The following PPP1R21 variants were observed in gnomAD, a reference collection of about 807,000 sequenced individuals.
The protein encoded by PPP1R21 is KLRAQ motif containing 1.
PPP1R21 carries 85 observed loss-of-function variants against 112.8 expected under a neutral mutation model. That is an observed-to-expected ratio of 0.75 (90% CI 0.63 to 0.90). The LOEUF is 0.90. Among genes scored for constraint, PPP1R21 ranks in the 40% least tolerant of loss-of-function variants. PPP1R21 has a pLI of 0.00. For missense variants in PPP1R21, 1,199 were observed against 901.5 expected (o/e 1.33, Z -4.23); for synonymous variants, 381 against 322.3 (o/e 1.18, Z -1.95).
At chr2:48,448,910 A>G (rs1316497096) in intron 1 of PPP1R21, among the ~76,000 whole-genome samples, 3 of 152,220 alleles carry the variant, frequency 2.0e-5, no homozygotes, top group Admixed American at 6.5e-5. Context: ...AACCATAGAC[A>G]GTACGTAAAT....
Position 48,503,076 on chromosome 2 carries a change from A to T in PPP1R21, c.1936-2488A>T, listed in dbSNP as rs184328173. Among the ~76,000 whole-genome samples, 3 of 152,276 alleles carry T rather than the reference A, an allele frequency of 2.0e-5. No individual in the cohort carries two copies. The East Asian group carries it at 5.8e-4, about 29-fold the overall frequency. On this transcript the variant is annotated intron_variant, in intron 17 of 21. Coordinates refer to ENST00000294952, the MANE Select transcript of PPP1R21 (RefSeq NM_001135629.3). ...TTATAATTTGAATATTCAGCCACCTATTATATATTATAAAAAAAGATAGCA... is the reference window on the plus strand; with the variant it reads ...TTATAATTTGAATATTCAGCCACCTTTTATATATTATAAAAAAAGATAGCA...
intron 1 of PPP1R21, among the ~76,000 whole-genome samples, chr2:48,448,711 A>T (rs188082525): frequency 6.6e-6 from 1 of 150,986 alleles, no homozygotes; most frequent in Non-Finnish European, 1.5e-5. Context: ...ATTCAAGACT[A>T]TGTTGATATT....
At chr2:48,497,962 A>G (rs770387024) in intron 16 of PPP1R21, among the ~76,000 whole-genome samples, 14 of 152,096 alleles carry the variant, frequency 9.2e-5, no homozygotes, top group South Asian at 2.1e-4. Context: ...GCACCAACCT[A>G]TAGTTCTAAT....
intron 17 of PPP1R21, among the ~76,000 whole-genome samples, chr2:48,500,904 G>C (rs966583768): frequency 6.6e-6 from 1 of 150,724 alleles, no homozygotes; most frequent in African/African-American, 2.4e-5. Context: ...GCCAGACTCT[G>C]TCTCTACAAA....
At chr2:48,475,880 A>G (rs905495120) in intron 12 of PPP1R21, among the ~76,000 whole-genome samples, 1 of 151,980 alleles carries the variant, frequency 6.6e-6, no homozygotes, top group Non-Finnish European at 1.5e-5. Flanking sequence ...AACTGAATGG[A>G]CCTCATTTTA....
intron 4 of PPP1R21, among the ~76,000 whole-genome samples, chr2:48,458,524 T>A (rs1667824124): frequency 6.6e-6 from 1 of 152,036 alleles, no homozygotes; most frequent in Non-Finnish European, 1.5e-5. Flanking sequence ...ATTACATGTA[T>A]CATTTAAATG....
At chr2:48,478,580 C>T (rs1351138397) in intron 12 of PPP1R21, among the ~76,000 whole-genome samples, 1 of 152,168 alleles carries the variant, frequency 6.6e-6, no homozygotes, top group Non-Finnish European at 1.5e-5. Context: ...CATCAATTGT[C>T]TATTCAGAGA....
rs1424638611 is a variant in PPP1R21, at chr2:48,449,654, T to C, written c.58-1354T>C. Reference sequence around the variant, plus strand: ...TTAGCATTCAAATATGCTTGTTCTTTTGGCACAGAAAAGGGTCATTTCTGT... The same window carrying C: ...TTAGCATTCAAATATGCTTGTTCTTCTGGCACAGAAAAGGGTCATTTCTGT... On this transcript the variant is annotated intron_variant, in intron 1 of 21. Coordinates refer to ENST00000294952, the MANE Select transcript of PPP1R21 (RefSeq NM_001135629.3). Among the ~76,000 whole-genome samples, 9 of 152,188 alleles carry C rather than the reference T, an allele frequency of 5.9e-5. No individual in the cohort carries two copies. In the South Asian group the frequency reaches 1.9e-3, roughly 32 times the overall value.
chr2:48,476,466 C>T (rs1668759001), intron 12 of PPP1R21, among the ~76,000 whole-genome samples: 1 of 152,122 alleles, frequency 6.6e-6, no homozygotes, highest in Non-Finnish European at 1.5e-5. Flanking sequence ...GGGGTGTATA[C>T]CTAGGAATGG....
intron 13 of PPP1R21, among the ~76,000 whole-genome samples, chr2:48,484,029 G>C (rs935147309): frequency 2.0e-5 from 3 of 152,084 alleles, no homozygotes; most frequent in African/African-American, 4.8e-5. Flanking sequence ...TTCACTGTAA[G>C]ATTCCTTCAA....
intron 14 of PPP1R21, among the ~76,000 whole-genome samples, chr2:48,490,319 C>T (rs751942527): frequency 6.6e-6 from 1 of 151,730 alleles, no homozygotes; most frequent in Non-Finnish European, 1.5e-5. Context: ...TGATCATGAC[C>T]TACTATTACA....
intron 12 of PPP1R21, among the ~76,000 whole-genome samples, chr2:48,478,202 C>G (rs1451637105): frequency 3.3e-5 from 5 of 152,144 alleles, no homozygotes; most frequent in Non-Finnish European, 7.3e-5. Context: ...CTTCTGGCCT[C>G]TAGAACTGTG....
chr2:48,498,729 C>T lies in PPP1R21; in HGVS notation c.1929C>T (p.Thr643=), dbSNP rs755864215. Residue 643 remains threonine, a synonymous_variant, in exon 17 of 22, where the codon ACC becomes ACT. Transcript: ENST00000294952. ...AKAVLEPIQS[T]SLIGTLTRTS... is the part of the protein sequence containing the mutation. The stretch of plus-strand genomic sequence containing the variant: ...CTGTGTTGGAGCCCATTCAGAGCAC[C>T]AGTCTAGTAAGTGTCTTCTTGGTTG... The T allele has an allele frequency of 1.3e-4, 208 of 1,613,954 alleles. 1 individual carries two copies. In the South Asian group the frequency reaches 2.2e-3, roughly 17 times the overall value.
intron 1 of PPP1R21, among the ~76,000 whole-genome samples, chr2:48,442,952 A>G (rs1667098017): frequency 1.3e-5 from 2 of 152,292 alleles, no homozygotes; most frequent in Middle Eastern, 3.4e-3. Context: ...ACTGTGAAGG[A>G]TGGATTGAAA....
At position 48,449,895 on chromosome 2, in the gene PPP1R21, A is replaced by G. The variant is rs1055369926; in HGVS notation, c.58-1113A>G. 9.2e-5 allele frequency among the ~76,000 whole-genome samples: 14 copies of G among 152,072 alleles called. 1 individual carries two copies. Among genetic ancestry groups the G allele is most frequent in the Middle Eastern group, 3.2e-3 (1 of 316 alleles). On this transcript the variant is annotated intron_variant, in intron 1 of 21. Transcript: ENST00000294952. Reference sequence around the variant, plus strand: ...CTGTAAACCTTTTGCTTCAGCTACAATGAGCTTGTATATTTATGCTTAAGT... The same window carrying G: ...CTGTAAACCTTTTGCTTCAGCTACAGTGAGCTTGTATATTTATGCTTAAGT...
intron 6 of PPP1R21, 128 bp from the exon 7 acceptor site, chr2:48,461,010 C>T: frequency 7.1e-7 from 1 of 1,414,084 alleles, no homozygotes; most frequent in Non-Finnish European, 9.2e-7. Context: ...CAACTCTCTG[C>T]CAAGAGTATC....
chr2:48,481,066 G>T (rs144101663), intron 13 of PPP1R21, among the ~76,000 whole-genome samples: 1 of 152,186 alleles, frequency 6.6e-6, no homozygotes, highest in African/African-American at 2.4e-5. Context: ...TCCGCTCACT[G>T]CAGCCTTTGC....
chr2:48,456,294 T>G (rs1344091295), intron 3 of PPP1R21, among the ~76,000 whole-genome samples: 1 of 151,756 alleles, frequency 6.6e-6, no homozygotes, highest in Non-Finnish European at 1.5e-5. Flanking sequence ...ATTGAGTCTT[T>G]AAGTCTTGTA....
intron 11 of PPP1R21, among the ~76,000 whole-genome samples, chr2:48,472,011 G>C (rs1470434259): frequency 6.6e-6 from 1 of 151,792 alleles, no homozygotes. Flanking sequence ...AGGCTGAGGT[G>C]GGTGGATCAC....
Sources: allele counts gnomAD v4.1 joint callset (sites outside exome capture counted in the v4.1 genomes callset), GRCh38; gene constraint gnomAD v4.1.1; transcripts MANE v1.5; gene names NCBI Gene and HGNC (gene_info 2026-07-23, HGNC 2026-07-21).